HECW1: variants seen among roughly 807,000 people sequenced by gnomAD.
The protein encoded by HECW1 is HECT, C2 and WW domain containing E3 ubiquitin protein ligase 1, also known as E3 ubiquitin-protein ligase HECW1.
A neutral mutation model predicts 182.3 loss-of-function variants in HECW1; 61 were observed. That is an observed-to-expected ratio of 0.33 (90% CI 0.27 to 0.41). The LOEUF (loss-of-function observed/expected upper bound fraction) is 0.41. Among genes scored for constraint, HECW1 ranks in the 10% least tolerant of loss-of-function variants. The probability of loss-of-function intolerance (pLI) is 1.00; values close to 1 mark genes in which losing one functional copy is unlikely to be tolerated. For synonymous variants in HECW1, 859 were observed against 832.6 expected (o/e 1.03, Z -0.55); for missense variants, 1,739 against 2,108.9 (o/e 0.82, Z 3.44).
intron 26 of HECW1, among the ~76,000 whole-genome samples, chr7:43,545,795 G>A (rs1156245711): frequency 6.6e-6 from 1 of 151,452 alleles, no homozygotes; most frequent in Non-Finnish European, 1.5e-5. Flanking sequence ...GAGCAGGAAA[G>A]GAAGGTTTGG....
chr7:43,322,212 G>T (rs886256395), intron 5 of HECW1, among the ~76,000 whole-genome samples: 1 of 152,146 alleles, frequency 6.6e-6, no homozygotes, highest in Non-Finnish European at 1.5e-5. Context: ...TGGGATTACA[G>T]GCACCTGCCA....
chr7:43,495,408 C>A (rs2079082548), intron 19 of HECW1, among the ~76,000 whole-genome samples: 1 of 152,026 alleles, frequency 6.6e-6, no homozygotes, highest in Admixed American at 6.6e-5. Flanking sequence ...TGATGGTTTC[C>A]TAGTATTTCT....
intron 2 of HECW1, 143 bp downstream of exon 2, chr7:43,114,534 A>G: frequency 2.8e-6 from 2 of 715,528 alleles, no homozygotes; most frequent in Non-Finnish European, 4.0e-6. Context: ...CTGTTGGTAG[A>G]ATTCCCTGTT....
rs541028783 is a variant in HECW1, at chr7:43,508,243, A to T, written c.3866+112A>T. ...ACAGTAGCTGTCAGTCTTCACCCCA[A>T]TGCGATTCTGATCACATTCTCCCAG... On this transcript the variant is annotated intron_variant, in intron 23 of 29. Coordinates refer to ENST00000395891, the MANE Select transcript of HECW1 (RefSeq NM_015052.5). 6 of 635,020 alleles carry T rather than the reference A, an allele frequency of 9.4e-6. No individual in the cohort carries two copies. The East Asian group carries it at 1.4e-4, about 15-fold the overall frequency. 39.3% of individuals were successfully genotyped at this position (635,020 alleles called of 1,614,324 possible). A position where few individuals can be genotyped will look rare whatever the true frequency, so the allele number is the denominator to read the frequency against.
chr7:43,362,955 T>C (rs1353253129), intron 6 of HECW1, among the ~76,000 whole-genome samples: 2 of 152,218 alleles, frequency 1.3e-5, no homozygotes, highest in Non-Finnish European at 2.9e-5. Flanking sequence ...CTTCTTCTGC[T>C]CTGGAATGAT....
At chr7:43,414,589 G>T (rs959158280) in intron 8 of HECW1, among the ~76,000 whole-genome samples, 157 of 151,616 alleles carry the variant, frequency 1.0e-3, no homozygotes, top group Middle Eastern at 0.01. Context: ...ATTGGCTGTG[G>T]GTTTGTCATA....
At position 43,297,811 on chromosome 7, in the gene HECW1, C is replaced by G. The variant is rs371747745; in HGVS notation, c.28-13952C>G. Among the ~76,000 whole-genome samples, 31 of 152,314 alleles carry G rather than the reference C, an allele frequency of 2.0e-4. No homozygotes were observed. The South Asian group carries it at 6.2e-3, about 31-fold the overall frequency. ...ATTGGGTCAGGCATGGTGGCTCACG[C>G]CTATACTCCCAGCACTTTGAGAGGC... On this transcript the variant is annotated intron_variant, in intron 3 of 29. Coordinates refer to ENST00000395891, the MANE Select transcript of HECW1 (RefSeq NM_015052.5).
intron 2 of HECW1, among the ~76,000 whole-genome samples, chr7:43,177,503 T>C (rs1792380359): frequency 6.6e-6 from 1 of 152,228 alleles, no homozygotes; most frequent in Admixed American, 6.5e-5. Flanking sequence ...CCGTGCTGTC[T>C]TCCAGCCAGG....
At position 43,374,417 on chromosome 7, in the gene HECW1, T is replaced by C. The variant is rs143246240; in HGVS notation, c.555+13437T>C. ...GACTTAGAGACCACGGGAAAAGGAA[T>C]TACTGAATTAGAAGACAAACTAAAA... On this transcript the variant is annotated intron_variant, in intron 6 of 29. Coordinates refer to ENST00000395891, the MANE Select transcript of HECW1 (RefSeq NM_015052.5). Among the ~76,000 whole-genome samples the C allele has an allele frequency of 4.5e-3, 681 of 152,166 alleles. 4 individuals carry two copies. Among genetic ancestry groups the C allele is most frequent in the African/African-American group, 0.016 (653 of 41,478 alleles).
At chr7:43,218,141 A>C (rs1390736975) in intron 2 of HECW1, among the ~76,000 whole-genome samples, 72 of 152,192 alleles carry the variant, frequency 4.7e-4, no homozygotes, top group Non-Finnish European at 4.4e-5. Flanking sequence ...GCAGGTGAAA[A>C]CTGATAGTTC....
intron 6 of HECW1, among the ~76,000 whole-genome samples, chr7:43,365,927 C>G (rs1816584928): frequency 6.6e-6 from 1 of 152,026 alleles, no homozygotes; most frequent in Non-Finnish European, 1.5e-5. Context: ...AACCCCATCT[C>G]TATAAAAAAA....
rs184418696 is a variant in HECW1 at position 43,547,919 on chromosome 7, C to A, written c.4249-2526C>A. On this transcript the variant is annotated intron_variant, in intron 26 of 29. Coordinates refer to ENST00000395891, the MANE Select transcript of HECW1 (RefSeq NM_015052.5). ...AGTAAACAAGAAAGATCACTTTTTA[C>A]TGTGATACACAGTTTACTGGAGAGA... is the stretch of plus-strand genomic sequence containing the variant. Among the ~76,000 whole-genome samples the A allele has an allele frequency of 5.9e-4, 90 of 152,344 alleles. 1 individual carries two copies. Among genetic ancestry groups the A allele is most frequent in the Non-Finnish European group, 4.0e-4 (27 of 68,032 alleles).
chr7:43,478,673 A>C (rs1463462673), intron 16 of HECW1, among the ~76,000 whole-genome samples: 1 of 152,034 alleles, frequency 6.6e-6, no homozygotes, highest in Non-Finnish European at 1.5e-5. Flanking sequence ...AAAAGAAAAA[A>C]CTAAGGAGGA....
At chr7:43,113,747 A>G in intron 1 of HECW1, 1 of 223,078 alleles carries the variant, frequency 4.5e-6, no homozygotes, top group Non-Finnish European at 9.0e-6. Context: ...GGGCGGTGAC[A>G]ATGCAGCAAA....
At chr7:43,537,289 A>G (rs1423640876) in intron 24 of HECW1, among the ~76,000 whole-genome samples, 2 of 152,094 alleles carry the variant, frequency 1.3e-5, no homozygotes, top group East Asian at 1.9e-4. Flanking sequence ...TATCCTCTGA[A>G]CTCTATTTAT....
intron 17 of HECW1, among the ~76,000 whole-genome samples, chr7:43,482,736 T>G (rs1291473139): frequency 6.6e-6 from 1 of 152,036 alleles, no homozygotes; most frequent in Non-Finnish European, 1.5e-5. Context: ...CAGGACCTTT[T>G]CTCTACAAAA....
chr7:43,350,191 C>A (rs1305353682), intron 5 of HECW1, among the ~76,000 whole-genome samples: 1 of 152,140 alleles, frequency 6.6e-6, no homozygotes, highest in Non-Finnish European at 1.5e-5. Flanking sequence ...AAGATAGAGC[C>A]CCAATCCCTT....
chr7:43,537,018 G>A (rs2081201497), intron 24 of HECW1, among the ~76,000 whole-genome samples: 2 of 152,224 alleles, frequency 1.3e-5, no homozygotes, highest in Non-Finnish European at 2.9e-5. Context: ...GGCTGAGACG[G>A]TAGAAGCTGC....
intron 2 of HECW1, among the ~76,000 whole-genome samples, chr7:43,213,573 G>C: frequency 6.6e-6 from 1 of 150,724 alleles, no homozygotes; most frequent in South Asian, 2.1e-4. Context: ...AGCCTCCTGA[G>C]TAGCTGGGAC....
Sources: allele counts gnomAD v4.1 joint callset (sites outside exome capture counted in the v4.1 genomes callset), GRCh38; gene constraint gnomAD v4.1.1; transcripts MANE v1.5; gene names NCBI Gene and HGNC (gene_info 2026-07-23, HGNC 2026-07-21).